The following MEIS2 variants were observed in gnomAD, a reference collection of about 807,000 sequenced individuals.
The protein encoded by MEIS2 is homeobox protein Meis2.
MEIS2 carries 9 observed loss-of-function variants against 58.6 expected under a neutral mutation model. The ratio of observed to expected loss-of-function variants is 0.15; its 90% CI spans 0.09 to 0.27. The LOEUF (loss-of-function observed/expected upper bound fraction) is 0.27. Ranked by LOEUF, MEIS2 falls within the 10% of genes least tolerant of loss-of-function variation. MEIS2 has a pLI of 1.00. For synonymous variants in MEIS2, 221 were observed against 228.4 expected (o/e 0.97, Z 0.29); for missense variants, 427 against 635.0 (o/e 0.67, Z 3.52).
intron 8 of MEIS2, among the ~76,000 whole-genome samples, chr15:37,010,541 C>A (rs530056348): frequency 6.6e-6 from 1 of 152,044 alleles, no homozygotes; most frequent in Non-Finnish European, 1.5e-5. Flanking sequence ...TGCCACCATG[C>A]CTTCCTAATT....
intron 7 of MEIS2, among the ~76,000 whole-genome samples, chr15:37,073,639 G>A (rs1567260521): frequency 6.6e-6 from 1 of 151,936 alleles, no homozygotes; most frequent in Admixed American, 6.6e-5. Flanking sequence ...ACATCCATGA[G>A]GTAGAGTCCA....
At chr15:37,072,280 GCCT>G in intron 7 of MEIS2, among the ~76,000 whole-genome samples, 4 of 151,992 alleles carry the variant, frequency 2.6e-5, no homozygotes, top group Non-Finnish European at 5.9e-5. Context: ...CAGGCATATG[GCCT>G]GGAAAATCAG....
At chr15:37,097,822 C>T in intron 2 of MEIS2, 145 bp downstream of exon 2, 1 of 1,242,838 alleles carries the variant, frequency 8.0e-7, no homozygotes. Context: ...GCCCCCTCCA[C>T]GGTCCCTTCC....
At chr15:37,095,430 C>G in intron 4 of MEIS2, 134 bp downstream of exon 4, 2 of 1,381,980 alleles carry the variant, frequency 1.4e-6, no homozygotes, top group East Asian at 2.4e-5. Context: ...CTAAGCTGCT[C>G]CCTTCCTCCC....
chr15:37,016,331 G>A (rs562326925), intron 8 of MEIS2, among the ~76,000 whole-genome samples: 26 of 19,412 alleles, frequency 1.3e-3, no homozygotes, highest in Admixed American at 2.4e-3. Context: ...TCTATTTGCA[G>A]TGTTTTTTTT....
intron 6 of MEIS2, among the ~76,000 whole-genome samples, chr15:37,085,324 A>T (rs1892754380): frequency 6.6e-6 from 1 of 152,204 alleles, no homozygotes; most frequent in Non-Finnish European, 1.5e-5. Flanking sequence ...TGTTGCCATT[A>T]TGTATAGTTC....
chr15:36,982,491 T>C (rs1219878696), intron 8 of MEIS2, among the ~76,000 whole-genome samples: 1 of 152,192 alleles, frequency 6.6e-6, no homozygotes, highest in Non-Finnish European at 1.5e-5. Context: ...TCTTCTTTTT[T>C]AGTGCTGATT....
In MEIS2 at chr15:36,971,537, T is replaced by TA. The variant is rs71126247; in HGVS notation, c.901-21138dup. On this transcript the variant is annotated intron_variant, in intron 8 of 11. Coordinates refer to ENST00000561208, the MANE Select transcript of MEIS2 (RefSeq NM_170675.5). ...GTATTACTTGTATGCCTTGTTACAT[T>TA]AAAAAAAAAAAAAAAAAAAAAAAAA... 2.4e-3 allele frequency among the ~76,000 whole-genome samples: 163 copies of TA among 67,084 alleles called. 7 individuals are homozygous for TA. Among genetic ancestry groups the TA allele is most frequent in the South Asian group, 4.6e-3 (7 of 1,532 alleles). The allele number at this position is 67,084 out of a possible 152,430, so 44.0% of individuals were successfully genotyped here. A position where few individuals can be genotyped will look rare whatever the true frequency, so the allele number is the denominator to read the frequency against.
At chr15:37,012,463 T>C (rs1371987922) in intron 8 of MEIS2, among the ~76,000 whole-genome samples, 1 of 152,202 alleles carries the variant, frequency 6.6e-6, no homozygotes, top group East Asian at 1.9e-4. Flanking sequence ...ATCCTATTCA[T>C]AGGCCTGTTA....
At chr15:36,962,498 T>C (rs1412500304) in intron 8 of MEIS2, among the ~76,000 whole-genome samples, 2 of 152,226 alleles carry the variant, frequency 1.3e-5, no homozygotes, top group African/African-American at 4.8e-5. Context: ...AGAATGTAAA[T>C]GCTATGTAAA....
chr15:37,028,564 T>G (rs1450976040), intron 8 of MEIS2, among the ~76,000 whole-genome samples: 1 of 152,134 alleles, frequency 6.6e-6, no homozygotes, highest in Non-Finnish European at 1.5e-5. Context: ...ATTTGAGAAA[T>G]TGTAAAAACG....
chr15:36,998,236 GTTTTTTT>G lies in MEIS2; in HGVS notation c.900+38571_900+38577del, dbSNP rs5811954. ...GGATATATTGTCGTAAAAACACAAA[GTTTTTTT>G]TTTTTTTTTTTTTTTTTTGGTCTTC... On this transcript the variant is annotated intron_variant, in intron 8 of 11. Transcript: ENST00000561208. Among the ~76,000 whole-genome samples the G allele has an allele frequency of 9.4e-3, 626 of 66,818 alleles. 6 individuals are homozygous for G. The highest frequency in any genetic ancestry group is 0.034 in the African/African-American group (600 of 17,542). The allele number at this position is 66,818 out of a possible 152,430, so 43.8% of individuals were successfully genotyped here. A position where few individuals can be genotyped will look rare whatever the true frequency, so the allele number is the denominator to read the frequency against.
chr15:37,060,661 G>C (rs2141839288), intron 7 of MEIS2, among the ~76,000 whole-genome samples: 1 of 152,254 alleles, frequency 6.6e-6, no homozygotes, highest in African/African-American at 2.4e-5. Context: ...AAATAAGACT[G>C]GGTGGGACCC....
At chr15:37,000,553 G>A (rs1346448613) in intron 8 of MEIS2, among the ~76,000 whole-genome samples, 3 of 152,050 alleles carry the variant, frequency 2.0e-5, no homozygotes, top group Non-Finnish European at 4.4e-5. Flanking sequence ...AAGTCAAAAT[G>A]AGCTTCCCCT....
intron 7 of MEIS2, among the ~76,000 whole-genome samples, chr15:37,041,924 C>T (rs2062439151): frequency 6.6e-6 from 1 of 152,076 alleles, no homozygotes; most frequent in South Asian, 2.1e-4. Context: ...TGCCTGTAAT[C>T]CCAGCACTTT....
At chr15:36,932,307 G>A (rs1426968213) in intron 9 of MEIS2, among the ~76,000 whole-genome samples, 1 of 152,122 alleles carries the variant, frequency 6.6e-6, no homozygotes, top group African/African-American at 2.4e-5. Flanking sequence ...CATATGATGC[G>A]CCCTGGAATT....
chr15:37,049,471 TTTTTTGTTTTTG>T (rs147741223), intron 7 of MEIS2, among the ~76,000 whole-genome samples: 5 of 151,290 alleles, frequency 3.3e-5, no homozygotes, highest in African/African-American at 4.8e-5. Context: ...TGGTTTTGTT[TTTTTTGTTTTTG>T]TTTTTGTTTT....
At chr15:36,986,235 T>A (rs2060089089) in intron 8 of MEIS2, among the ~76,000 whole-genome samples, 1 of 152,230 alleles carries the variant, frequency 6.6e-6, no homozygotes, top group African/African-American at 2.4e-5. Flanking sequence ...CCTTCTGTAT[T>A]CAGCTGTAGC....
chr15:36,893,347 T>G (rs936916528), intron 11 of MEIS2, among the ~76,000 whole-genome samples: 2 of 152,226 alleles, frequency 1.3e-5, no homozygotes, highest in African/African-American at 4.8e-5. Flanking sequence ...TGAACAGATG[T>G]TTTTGACACT....
Sources: gnomAD v4.1 joint callset for allele counts (sites outside exome capture counted in the v4.1 genomes callset) on GRCh38, gnomAD v4.1.1 for gene constraint, MANE v1.5 for transcripts, NCBI Gene and HGNC (gene_info 2026-07-23, HGNC 2026-07-21) for gene names.